RABGAP1L: variants seen among roughly 807,000 people sequenced by gnomAD.
RABGAP1L encodes RAB GTPase activating protein 1 like.
Under a neutral mutation model 137.7 loss-of-function variants are expected in RABGAP1L, and 63 were observed. The observed-to-expected ratio is 0.46, with a 90% confidence interval of 0.37 to 0.56. RABGAP1L has a LOEUF of 0.56. Ranked by LOEUF, RABGAP1L falls within the 20% of genes least tolerant of loss-of-function variation. The pLI is 0.00. For missense variants in RABGAP1L, 1,095 were observed against 1,244.0 expected (o/e 0.88, Z 1.80); for synonymous variants, 431 against 433.7 (o/e 0.99, Z 0.08).
intron 19 of RABGAP1L, among the ~76,000 whole-genome samples, chr1:174,894,718 T>C (rs921973852): frequency 3.4e-5 from 5 of 148,872 alleles, no homozygotes; most frequent in Non-Finnish European, 5.9e-5. Context: ...AGAACCAAGT[T>C]GGGTTTTTTG....
At chr1:174,701,152 G>A (rs1679615766) in intron 16 of RABGAP1L, 3 of 1,304,398 alleles carry the variant, frequency 2.3e-6, no homozygotes, top group Non-Finnish European at 3.0e-6. Flanking sequence ...TATGGTAATA[G>A]CTATGCTAAT....
intron 13 of RABGAP1L, among the ~76,000 whole-genome samples, chr1:174,486,252 G>T (rs1159610419): frequency 3.2e-5 from 3 of 94,164 alleles, no homozygotes. Flanking sequence ...CTGGCTAAAT[G>T]TTTGTCAATT....
At chr1:174,676,919 C>A (rs982865602) in intron 14 of RABGAP1L, among the ~76,000 whole-genome samples, 11 of 152,062 alleles carry the variant, frequency 7.2e-5, no homozygotes, top group African/African-American at 9.7e-5. Context: ...CCAGGGATAT[C>A]ATTTTCTAAA....
At chr1:174,948,084 C>G (rs1667154609) in intron 19 of RABGAP1L, among the ~76,000 whole-genome samples, 1 of 151,586 alleles carries the variant, frequency 6.6e-6, no homozygotes, top group Admixed American at 6.6e-5. Context: ...GACAGTATAT[C>G]AAAACTGCCT....
At chr1:174,744,029 G>A (rs1683665575) in intron 17 of RABGAP1L, among the ~76,000 whole-genome samples, 1 of 140,038 alleles carries the variant, frequency 7.1e-6, no homozygotes, top group African/African-American at 2.6e-5. Context: ...TAGCCATAAG[G>A]GTTTTAAAAC....
chr1:174,596,891 C>G (rs1309335361), intron 13 of RABGAP1L, among the ~76,000 whole-genome samples: 2 of 151,758 alleles, frequency 1.3e-5, no homozygotes, highest in Non-Finnish European at 2.9e-5. Context: ...TCTTCTCTAT[C>G]CAGTTTTTTT....
chr1:174,260,742 A>C (rs1342177234), intron 7 of RABGAP1L, among the ~76,000 whole-genome samples: 1 of 152,202 alleles, frequency 6.6e-6, no homozygotes, highest in Non-Finnish European at 1.5e-5. Flanking sequence ...GATAGTGTTT[A>C]AAATACACTA....
intron 13 of RABGAP1L, among the ~76,000 whole-genome samples, chr1:174,626,998 A>G (rs1672982920): frequency 6.6e-6 from 1 of 152,174 alleles, no homozygotes. Context: ...CTGCCTACTG[A>G]TTGTGCTAGG....
intron 19 of RABGAP1L, among the ~76,000 whole-genome samples, chr1:174,907,380 A>G (rs1004924038): frequency 6.6e-6 from 1 of 152,042 alleles, no homozygotes; most frequent in Non-Finnish European, 1.5e-5. Flanking sequence ...TGGCATGATT[A>G]TGGTTCACTG....
intron 13 of RABGAP1L, among the ~76,000 whole-genome samples, chr1:174,404,489 T>C (rs1179165532): frequency 6.6e-6 from 1 of 152,198 alleles, no homozygotes; most frequent in Non-Finnish European, 1.5e-5. Context: ...GTAAGTTTAT[T>C]CTTGTTAGAA....
intron 8 of RABGAP1L, 141 bp downstream of exon 8, chr1:174,272,621 C>T (rs1169877342): frequency 4.9e-5 from 56 of 1,132,688 alleles, no homozygotes; most frequent in South Asian, 2.6e-4. Context: ...AATTTGGAAA[C>T]GCAAACTTAA....
intron 1 of RABGAP1L, among the ~76,000 whole-genome samples, chr1:174,212,742 A>G (rs1668995451): frequency 6.6e-6 from 1 of 152,148 alleles, no homozygotes; most frequent in Non-Finnish European, 1.5e-5. Flanking sequence ...ATAGATCAAC[A>G]AAACCAAAAG....
chr1:174,263,819 A>G (rs1673798224), intron 7 of RABGAP1L, among the ~76,000 whole-genome samples: 1 of 151,588 alleles, frequency 6.6e-6, no homozygotes, highest in Non-Finnish European at 1.5e-5. Flanking sequence ...CCATCTTGCT[A>G]TTCTTCCTAA....
At chr1:174,554,692 A>G (rs1353558423) in intron 13 of RABGAP1L, among the ~76,000 whole-genome samples, 1 of 152,214 alleles carries the variant, frequency 6.6e-6, no homozygotes, top group Non-Finnish European at 1.5e-5. Context: ...GAAGTTTAAA[A>G]TTAACATTTT....
chr1:174,209,654 C>G (rs952253122), intron 1 of RABGAP1L, among the ~76,000 whole-genome samples: 2 of 152,216 alleles, frequency 1.3e-5, no homozygotes, highest in African/African-American at 4.8e-5. Flanking sequence ...CTTGACCCAC[C>G]TGGGGCCCAG....
At position 174,889,024 on chromosome 1, in the gene RABGAP1L, G is replaced by A. The variant is rs1215183774; in HGVS notation, c.2341-68433G>A. On this transcript the variant is annotated intron_variant, in intron 19 of 25. Transcript: ENST00000681986. Reference sequence around the variant, plus strand: ...TTTTATCCTTAGACCCATATACTAAGTTCTTATGATTGTGGAATCAGGTTA... The same window carrying A: ...TTTTATCCTTAGACCCATATACTAAATTCTTATGATTGTGGAATCAGGTTA... Among the ~76,000 whole-genome samples the A allele has an allele frequency of 2.6e-5, 4 of 152,104 alleles. No individual in the cohort carries two copies. In the East Asian group the frequency reaches 7.7e-4, roughly 29 times the overall value.
intron 13 of RABGAP1L, among the ~76,000 whole-genome samples, chr1:174,590,354 T>A (rs560677102): frequency 0.061 from 8,816 of 144,838 alleles, 836 homozygotes; most frequent in African/African-American, 0.21. Flanking sequence ...TTTTATTTAT[T>A]TTTTTTTTAT....
At chr1:174,948,923 T>C (rs1424005726) in intron 19 of RABGAP1L, 1 of 152,200 alleles carries the variant, frequency 6.6e-6, no homozygotes, top group Non-Finnish European at 1.5e-5. Context: ...TATATGTATA[T>C]TCATTTTTAA....
intron 1 of RABGAP1L, among the ~76,000 whole-genome samples, chr1:174,197,058 A>G (rs1667743373): frequency 6.6e-6 from 1 of 152,256 alleles, no homozygotes; most frequent in African/African-American, 2.4e-5. Context: ...TCATATTATC[A>G]TAAAAGAGAA....
Sources: gnomAD v4.1 joint callset for allele counts (sites outside exome capture counted in the v4.1 genomes callset) on GRCh38, gnomAD v4.1.1 for gene constraint, MANE v1.5 for transcripts, NCBI Gene and HGNC (gene_info 2026-07-23, HGNC 2026-07-21) for gene names.